Variants in USP48 observed in about 807,000 individuals in gnomAD.
USP48 encodes the protein ubiquitin specific peptidase 48, also known as ubiquitin carboxyl-terminal hydrolase 48.
USP48 carries 43 observed loss-of-function variants against 150.7 expected under a neutral mutation model. The observed-to-expected ratio is 0.29, with a 90% confidence interval of 0.22 to 0.37. The LOEUF (loss-of-function observed/expected upper bound fraction) is 0.37. Ranked by LOEUF, USP48 falls within the 10% of genes least tolerant of loss-of-function variation. The pLI is 1.00. For missense variants in USP48, 813 were observed against 1,249.6 expected, an observed-to-expected ratio of 0.65 and a Z score of 5.27; for synonymous variants, 396 against 425.9, an observed-to-expected ratio of 0.93 and a Z score of 0.86.
At chr1:21,679,586 A>G in intron 26 of USP48, 147 bp from the exon 27 acceptor site, 1 of 939,618 alleles carries the variant, frequency 1.1e-6, no homozygotes, top group South Asian at 1.5e-5. Context: ...GGATAAGACA[A>G]AATACCAGCA....
At chr1:21,779,232 TA>T (rs1183544057) in intron 1 of USP48, among the ~76,000 whole-genome samples, 1 of 151,780 alleles carries the variant, frequency 6.6e-6, no homozygotes, top group Non-Finnish European at 1.5e-5. Context: ...GAGACCTCAT[TA>T]AAAATAAATA....
intron 1 of USP48, among the ~76,000 whole-genome samples, chr1:21,775,763 C>T (rs2097896630): frequency 6.6e-6 from 1 of 152,152 alleles, no homozygotes; most frequent in Non-Finnish European, 1.5e-5. Context: ...CATATCAAGG[C>T]TGGGCATGGT....
chr1:21,757,016 T>C (rs1400626452), intron 2 of USP48: 6 of 984,104 alleles, frequency 6.1e-6, no homozygotes, highest in African/African-American at 5.2e-5. Flanking sequence ...CAAGCGTATA[T>C]AGGTTTTATG....
intron 25 of USP48, among the ~76,000 whole-genome samples, chr1:21,685,216 T>C (rs989358703): frequency 6.6e-6 from 1 of 152,202 alleles, no homozygotes; most frequent in Non-Finnish European, 1.5e-5. Flanking sequence ...TTTCTTACAT[T>C]AGTGTTTTGT....
intron 24 of USP48, among the ~76,000 whole-genome samples, chr1:21,688,411 G>C (rs2097585443): frequency 6.6e-6 from 1 of 151,742 alleles, no homozygotes; most frequent in Non-Finnish European, 1.5e-5. Flanking sequence ...AGTAGAGATG[G>C]GGTTTCACCA....
intron 1 of USP48, among the ~76,000 whole-genome samples, chr1:21,762,153 G>T (rs1338856348): frequency 6.6e-6 from 1 of 152,146 alleles, no homozygotes. Context: ...TATAATCCCA[G>T]CTACTTGGGA....
At chr1:21,751,478 G>T in intron 6 of USP48, 29 bp downstream of exon 6, 1 of 1,538,046 alleles carries the variant, frequency 6.5e-7, no homozygotes, top group Non-Finnish European at 9.0e-7. Context: ...TAATGGGCAG[G>T]AACAATACAT....
Position 21,706,327 on chromosome 1 carries a change from C to G in USP48, c.2211+140G>C, listed in dbSNP as rs1341751513. ...CAGTCCTCTACCAAAAAATAGCAGG[C>G]TGGAGTAAATCCCCTGGTTAGATAA... On this transcript the variant is annotated intron_variant, in intron 17 of 26. Transcript: ENST00000308271. 4.7e-6 allele frequency: 7 copies of G among 1,499,318 alleles called. No individual in the cohort carries two copies. The African/African-American group carries it at 9.8e-5, about 21-fold the overall frequency. The allele number at this position is 1,499,318 out of a possible 1,614,324, so 92.9% of individuals were successfully genotyped here. A position where few individuals can be genotyped will look rare whatever the true frequency, so the allele number is the denominator to read the frequency against.
At position 21,678,538 on chromosome 1, in the gene USP48, C is replaced by A. The variant is rs1260402793; in HGVS notation, c.*879G>T. On this transcript the variant is annotated 3_prime_UTR_variant, in exon 27 of 27. Coordinates refer to ENST00000308271, the MANE Select transcript of USP48 (RefSeq NM_032236.8). ...ACAGTGACATGGAGGACAGGAAGAACAAATTTTATAGAAACCTTGTGTTAT... is the reference window on the plus strand; with the variant it reads ...ACAGTGACATGGAGGACAGGAAGAAAAAATTTTATAGAAACCTTGTGTTAT... The A allele has an allele frequency of 6.6e-6, 1 of 152,148 alleles. No homozygotes were observed. The highest frequency in any genetic ancestry group is 1.5e-5 in the Non-Finnish European group (1 of 68,012). The allele number at this position is 152,148 out of a possible 1,614,324, so 9.4% of individuals were successfully genotyped here. A position where few individuals can be genotyped will look rare whatever the true frequency, so the allele number is the denominator to read the frequency against.
intron 1 of USP48, among the ~76,000 whole-genome samples, chr1:21,782,412 AAAT>A (rs1198895700): frequency 1.3e-5 from 2 of 152,144 alleles, no homozygotes; most frequent in Non-Finnish European, 2.9e-5. Flanking sequence ...CCCTCTACAA[AAAT>A]AATACTAAGA....
chr1:21,703,866 C>A (rs1309305242), intron 20 of USP48, among the ~76,000 whole-genome samples: 1 of 152,120 alleles, frequency 6.6e-6, no homozygotes, highest in Admixed American at 6.5e-5. Context: ...CAGCGAGTAG[C>A]TCAAGACTAC....
At position 21,765,222 on chromosome 1, in the gene USP48, C is replaced by T. The variant is rs181542195; in HGVS notation, c.135-7439G>A. Among the ~76,000 whole-genome samples, 118 of 152,264 alleles carry T rather than the reference C, an allele frequency of 7.7e-4. 1 individual carries two copies. The highest frequency in any genetic ancestry group is 1.4e-3 in the Admixed American group (22 of 15,298). On this transcript the variant is annotated intron_variant, in intron 1 of 26. Transcript: ENST00000308271. ...AGACTGCACTGTATGAGAACACCAA[C>T]GTGTTAGGCAGAGGATAGGTTCCAA...
chr1:21,701,886 TGATGTTATTTTG>T (rs1287901122), intron 21 of USP48, among the ~76,000 whole-genome samples: 1 of 152,180 alleles, frequency 6.6e-6, no homozygotes, highest in African/African-American at 2.4e-5. Context: ...TCTTGTACAA[TGATGTTATTTTG>T]CAGAAGTTCG....
intron 14 of USP48, among the ~76,000 whole-genome samples, chr1:21,718,525 T>C (rs541023013): frequency 6.6e-6 from 1 of 151,520 alleles, no homozygotes; most frequent in Admixed American, 6.6e-5. Context: ...CCAATTTTAC[T>C]AAAAATGAAG....
rs775048887 is a variant in USP48 at position 21,729,794 on chromosome 1, C to T, written c.1210G>A (p.Gly404Ser). The T allele has an allele frequency of 1.9e-5, 31 of 1,614,056 alleles. No homozygotes were observed. Among genetic ancestry groups the T allele is most frequent in the Non-Finnish European group, 2.5e-5 (30 of 1,179,986 alleles). Residue 404 changes from glycine (G) to serine (S), a missense_variant, in exon 10 of 27, where the codon GGC becomes AGC. Coordinates refer to ENST00000308271, the MANE Select transcript of USP48 (RefSeq NM_032236.8). ...SKSQTRKPKC[G>S]KGTHCSRNAY... is the part of the protein sequence containing the mutation. ...TTTCGAGAGCAATGAGTTCCTTTGC[C>T]ACACTTGGGTTTACGTGTCTGAGAC...
At chr1:21,753,270 G>C (rs1166134536) in intron 3 of USP48, 151 bp from the exon 4 acceptor site, 3 of 878,032 alleles carry the variant, frequency 3.4e-6, no homozygotes, top group East Asian at 3.5e-5. Context: ...AAAAGAAATA[G>C]GCTGAGCACG....
chr1:21,710,298 G>GT (rs1237415135), intron 15 of USP48, among the ~76,000 whole-genome samples: 1 of 152,126 alleles, frequency 6.6e-6, no homozygotes, highest in Non-Finnish European at 1.5e-5. Flanking sequence ...GAGAAATCTA[G>GT]TTAACAATGA....
rs1037553794 is a variant in USP48, at chr1:21,736,359, A to G, written c.1171+87T>C. 6.3e-5 allele frequency: 82 copies of G among 1,302,966 alleles called. 2 individuals carry two copies. In the African/African-American group the frequency reaches 1.1e-3, roughly 18 times the overall value. The allele number at this position is 1,302,966 out of a possible 1,614,324, so 80.7% of individuals were successfully genotyped here. On this transcript the variant is annotated intron_variant, in intron 9 of 26. Coordinates refer to ENST00000308271, the MANE Select transcript of USP48 (RefSeq NM_032236.8). ...TATCCTTGATAGTCTGTAACATAAC[A>G]ATCTTGAGCCATAATAATTTATCAC...
chr1:21,720,791 A>G lies in USP48; in HGVS notation c.1894+245T>C, dbSNP rs189487310. Among the ~76,000 whole-genome samples the G allele has an allele frequency of 1.9e-3, 280 of 147,110 alleles. 2 individuals carry two copies. Among genetic ancestry groups the G allele is most frequent in the African/African-American group, 6.7e-3 (259 of 38,504 alleles). On this transcript the variant is annotated intron_variant, in intron 14 of 26. Transcript: ENST00000308271. ...AGTGATCAACCTGCCTCGGCCTCCTAAAGTGCTGGGATTATAGGCATGAAC... is the reference window on the plus strand; with the variant it reads ...AGTGATCAACCTGCCTCGGCCTCCTGAAGTGCTGGGATTATAGGCATGAAC...
Sources: allele counts gnomAD v4.1 joint callset (sites outside exome capture counted in the v4.1 genomes callset), GRCh38; gene constraint gnomAD v4.1.1; transcripts MANE v1.5; gene names NCBI Gene and HGNC (gene_info 2026-07-23, HGNC 2026-07-21).